DNAH14: variants seen among roughly 807,000 people sequenced by gnomAD.
The protein encoded by DNAH14 is axonemal beta dynein heavy chain 14.
Under a neutral mutation model 520.9 loss-of-function variants are expected in DNAH14, and 478 were observed. The observed-to-expected ratio is 0.92, with a 90% CI of 0.85 to 0.99. The LOEUF (loss-of-function observed/expected upper bound fraction) is 0.99, where lower values mean the gene tolerates loss of function less well. DNAH14 is among the 50% of genes least tolerant of loss of function. The pLI, the probability that DNAH14 is intolerant of heterozygous loss-of-function variation, is 0.00. For missense variants in DNAH14, 4,831 were observed against 5,234.5 expected (o/e 0.92, Z 2.38); for synonymous variants, 1,581 against 1,757.2 (o/e 0.90, Z 2.51).
chr1:225,298,646 G>A (rs1182368911), intron 55 of DNAH14, among the ~76,000 whole-genome samples: 3 of 152,132 alleles, frequency 2.0e-5, no homozygotes, highest in Non-Finnish European at 4.4e-5. Context: ...CTAGAGCAGG[G>A]CACACTCCAG....
chr1:225,078,680 T>C (rs1261912948), intron 17 of DNAH14, among the ~76,000 whole-genome samples: 1 of 152,088 alleles, frequency 6.6e-6, no homozygotes, highest in Non-Finnish European at 1.5e-5. Context: ...GATTGAATCA[T>C]GGGGGTGGAC....
At chr1:225,016,015 T>C (rs12568142) in intron 10 of DNAH14, among the ~76,000 whole-genome samples, 8,379 of 152,268 alleles carry the variant, frequency 0.055, 468 homozygotes, top group East Asian at 0.23. Flanking sequence ...TGGCATGATG[T>C]CCACTCACGA....
intron 8 of DNAH14, among the ~76,000 whole-genome samples, chr1:224,987,144 GAGA>G (rs1451258515): frequency 2.6e-5 from 4 of 152,022 alleles, no homozygotes; most frequent in Non-Finnish European, 5.9e-5. Flanking sequence ...GACAGAGACA[GAGA>G]CAGAGACAGA....
chr1:225,115,083 C>T (rs2076770643), intron 23 of DNAH14, among the ~76,000 whole-genome samples: 1 of 152,144 alleles, frequency 6.6e-6, no homozygotes, highest in African/African-American at 2.4e-5. Flanking sequence ...GATAGTGCTA[C>T]CTTGAGGGGT....
In DNAH14 at chr1:225,340,472, A is replaced by C. The variant is rs1398299026; in HGVS notation, c.10449A>C (p.Thr3483=). The C allele has an allele frequency of 6.4e-7, 1 of 1,550,618 alleles. No individual in the cohort carries two copies. Among genetic ancestry groups the C allele is most frequent in the Non-Finnish European group, 8.7e-7 (1 of 1,146,230 alleles). ...YNSNFRLYLS[T]EIDNPHFLPS... Reference sequence around the variant, plus strand: ...TCATGTTCAGGTTATACTTATCTACAGAAATAGACAACCCCCATTTTCTTC... The same window carrying C: ...TCATGTTCAGGTTATACTTATCTACCGAAATAGACAACCCCCATTTTCTTC... The change falls in exon 69 of 86, where the codon ACA becomes ACC. Residue 3483 remains threonine, a synonymous_variant. Transcript: ENST00000682510.
chr1:225,290,692 T>TATATATATA (rs1553301362), intron 55 of DNAH14, among the ~76,000 whole-genome samples: 3 of 120,768 alleles, frequency 2.5e-5, no homozygotes, highest in South Asian at 5.5e-4. Flanking sequence ...TATATATATA[T>TATATATATA]ATTTCCTCCA....
intron 72 of DNAH14, among the ~76,000 whole-genome samples, chr1:225,352,090 T>G (rs200210817): frequency 3.5e-4 from 36 of 101,734 alleles, no homozygotes; most frequent in Non-Finnish European, 8.0e-4. Flanking sequence ...AAAATCTGAT[T>G]AGAAATCAGA....
At position 225,038,819 on chromosome 1, in the gene DNAH14, A is replaced by G. The variant is rs954854844; in HGVS notation, c.1484A>G (p.Asn495Ser). The change falls in exon 12 of 86, where the codon AAT (asparagine) becomes AGT (serine). Residue 495 changes from asparagine (N) to serine (S), a missense_variant. By Grantham distance (46) the Asn-to-Ser change is conservative. Coordinates refer to ENST00000682510, the MANE Select transcript of DNAH14 (RefSeq NM_001367479.1). ...GAAGTAAAAACAGACACTGATATTA[A>G]TGAGGTAAAATGATCTTTGAAAAAT... Reference protein sequence around the residue: ...KSEVKTDTDINEILNSVEVGK... With the variant: ...KSEVKTDTDISEILNSVEVGK... 5.4e-6 allele frequency: 8 copies of G among 1,480,758 alleles called. No homozygotes were observed. Among genetic ancestry groups the G allele is most frequent in the Non-Finnish European group, 7.2e-6 (8 of 1,116,816 alleles). 91.7% of individuals were successfully genotyped at this position (1,480,758 alleles called of 1,614,324 possible). A position where few individuals can be genotyped will look rare whatever the true frequency, so the allele number is the denominator to read the frequency against.
chr1:225,250,648 C>A, intron 43 of DNAH14: 1 of 536,054 alleles, frequency 1.9e-6, no homozygotes, highest in Non-Finnish European at 3.5e-6. Flanking sequence ...ACACATTGGG[C>A]CACTCAGGAT....
intron 61 of DNAH14, 138 bp from the exon 62 acceptor site, chr1:225,322,526 A>T (rs2094577103): frequency 1.3e-6 from 1 of 759,408 alleles, no homozygotes. Flanking sequence ...CTAAGTAATT[A>T]AATAGCTATA....
At chr1:224,940,705 T>G (rs1472796125) in intron 1 of DNAH14, among the ~76,000 whole-genome samples, 1 of 150,620 alleles carries the variant, frequency 6.6e-6, no homozygotes, top group Non-Finnish European at 1.5e-5. Context: ...CGGTGTGTGA[T>G]GTTCCCCTTC....
rs144680570 is a variant in DNAH14 at position 225,074,350 on chromosome 1, G to A, written c.2425-4857G>A. On this transcript the variant is annotated intron_variant, in intron 17 of 85. Transcript: ENST00000682510. ...TCCGCTGGAGAACACTGGTGGGATT[G>A]GCTGGAGAACCTGGTTTGGAGAGTC... 2.6e-3 allele frequency among the ~76,000 whole-genome samples: 390 copies of A among 152,336 alleles called. 4 individuals carry two copies. Among genetic ancestry groups the A allele is most frequent in the East Asian group, 0.022 (112 of 5,174 alleles).
At chr1:225,292,484 C>T (rs1362510579) in intron 55 of DNAH14, among the ~76,000 whole-genome samples, 1 of 152,150 alleles carries the variant, frequency 6.6e-6, no homozygotes. Context: ...CCATACCATG[C>T]TGTTTTGGTT....
chr1:225,103,880 A>T lies in DNAH14; in HGVS notation c.3867+2996A>T, dbSNP rs1466526386. Among the ~76,000 whole-genome samples, 13 of 151,556 alleles carry T rather than the reference A, an allele frequency of 8.6e-5. No homozygotes were observed. The East Asian group carries it at 2.6e-3, about 30-fold the overall frequency. On this transcript the variant is annotated intron_variant, in intron 23 of 85. Transcript: ENST00000682510. ...CTCTTTTCCTAATTGAATACCCTTTATTTCCTTCCCCTGCCTGATTGCCCT... is the reference window on the plus strand; with the variant it reads ...CTCTTTTCCTAATTGAATACCCTTTTTTTCCTTCCCCTGCCTGATTGCCCT...
intron 35 of DNAH14, 146 bp from the exon 36 acceptor site, chr1:225,167,793 G>A (rs1255350852): frequency 6.4e-6 from 3 of 466,056 alleles, no homozygotes; most frequent in South Asian, 3.9e-5. Flanking sequence ...ACTATTCTCA[G>A]AGACAGAGGT....
At chr1:224,963,623 A>G (rs1241151874) in intron 4 of DNAH14, among the ~76,000 whole-genome samples, 1 of 152,072 alleles carries the variant, frequency 6.6e-6, no homozygotes, top group Non-Finnish European at 1.5e-5. Context: ...ATACCACACT[A>G]TTTTGATTTC....
At chr1:225,082,760 A>T (rs189535387) in intron 20 of DNAH14, 21 bp downstream of exon 20, 59 of 1,532,298 alleles carry the variant, frequency 3.9e-5, no homozygotes, top group Middle Eastern at 3.7e-4. Flanking sequence ...ATGGTTTTTT[A>T]AAAAAATAGG....
chr1:225,203,964 G>A (rs1419399650), intron 38 of DNAH14, among the ~76,000 whole-genome samples: 1 of 152,036 alleles, frequency 6.6e-6, no homozygotes, highest in African/African-American at 2.4e-5. Flanking sequence ...TTTGCAGGGG[G>A]AAAAAAGAAA....
chr1:225,304,003 A>G (rs1299435979), intron 57 of DNAH14, among the ~76,000 whole-genome samples: 1 of 151,516 alleles, frequency 6.6e-6, no homozygotes, highest in East Asian at 1.9e-4. Context: ...GAGACAGAGT[A>G]GAACCAGAAG....
Sources: gnomAD v4.1 joint callset for allele counts (sites outside exome capture counted in the v4.1 genomes callset) on GRCh38, gnomAD v4.1.1 for gene constraint, MANE v1.5 for transcripts, NCBI Gene and HGNC (gene_info 2026-07-23, HGNC 2026-07-21) for gene names.